Variants in ARL8B observed in about 807,000 individuals in gnomAD.
ARL8B encodes ARF like GTPase 8B.
In ARL8B, 9 loss-of-function variants were observed where a neutral mutation model predicts 30.6. The observed-to-expected ratio is 0.29, with a 90% CI of 0.18 to 0.51. The LOEUF (loss-of-function observed/expected upper bound fraction) is 0.51, where lower values mean the gene tolerates loss of function less well. ARL8B is among the 20% of genes least tolerant of loss of function. ARL8B has a pLI of 0.97. For missense variants in ARL8B, 130 were observed against 227.2 expected, an observed-to-expected ratio of 0.57 and a Z score of 2.75; for synonymous variants, 74 against 76.0, an observed-to-expected ratio of 0.97 and a Z score of 0.14.
Position 5,178,724 on chromosome 3 carries a change from G to C in ARL8B, c.*11G>C. ...TCTAGAAGAAGCTGAAGCATCTCCTGAAGTCTTCCAGTCCTTCTTGGCTAT... is the reference window on the plus strand; with the variant it reads ...TCTAGAAGAAGCTGAAGCATCTCCTCAAGTCTTCCAGTCCTTCTTGGCTAT... On this transcript the variant is annotated 3_prime_UTR_variant, in exon 7 of 7. Coordinates refer to ENST00000256496, the MANE Select transcript of ARL8B (RefSeq NM_018184.3). The C allele has an allele frequency of 6.2e-7, 1 of 1,611,466 alleles. No individual in the cohort carries two copies. The highest frequency in any genetic ancestry group is 1.3e-5 in the African/African-American group (1 of 74,944).
chr3:5,155,515 AGG>A (rs1559282023), intron 1 of ARL8B, among the ~76,000 whole-genome samples: 22 of 152,056 alleles, frequency 1.4e-4, no homozygotes, highest in Admixed American at 1.4e-3. Flanking sequence ...GTCTTCTTTT[AGG>A]ACTTCCACAG....
chr3:5,171,564 T>TGG (rs1426951202), intron 2 of ARL8B, among the ~76,000 whole-genome samples: 1 of 152,124 alleles, frequency 6.6e-6, no homozygotes, highest in East Asian at 1.9e-4. Flanking sequence ...GCCAGGCTGG[T>TGG]CTCGAACTCC....
At chr3:5,133,913 C>T (rs560029478) in intron 1 of ARL8B, among the ~76,000 whole-genome samples, 26 of 152,240 alleles carry the variant, frequency 1.7e-4, no homozygotes, top group East Asian at 1.3e-3. Context: ...CCAGCCTGGG[C>T]GACAGAGTGA....
At chr3:5,161,166 A>ACGGC (rs2054576370) in intron 1 of ARL8B, among the ~76,000 whole-genome samples, 1 of 152,194 alleles carries the variant, frequency 6.6e-6, no homozygotes, top group Non-Finnish European at 1.5e-5. Context: ...TTGGCCTCCC[A>ACGGC]CGGCCGGGGA....
chr3:5,127,060 T>A (rs2054235929), intron 1 of ARL8B, among the ~76,000 whole-genome samples: 1 of 152,208 alleles, frequency 6.6e-6, no homozygotes, highest in South Asian at 2.1e-4. Context: ...CTGCTGAGAA[T>A]TAGGAAAAGA....
chr3:5,130,330 A>G (rs568852670), intron 1 of ARL8B, among the ~76,000 whole-genome samples: 1 of 151,538 alleles, frequency 6.6e-6, no homozygotes, highest in South Asian at 2.1e-4. Context: ...TGCCCCTGAG[A>G]ACATAGTTCT....
chr3:5,151,382 G>A (rs2054481655), intron 1 of ARL8B, among the ~76,000 whole-genome samples: 1 of 152,106 alleles, frequency 6.6e-6, no homozygotes, highest in South Asian at 2.1e-4. Flanking sequence ...GTCTGAGGCT[G>A]CAGTGAGCTA....
intron 1 of ARL8B, among the ~76,000 whole-genome samples, chr3:5,124,090 A>AACTCCTGACCTCATGTGAT (rs2054207642): frequency 6.6e-6 from 1 of 152,000 alleles, no homozygotes; most frequent in Non-Finnish European, 1.5e-5. Flanking sequence ...CTAGTCTCAA[A>AACTCCTGACCTCATGTGAT]ACTCCTGACC....
rs1043685105 is a variant in ARL8B at position 5,123,922 on chromosome 3, G to A, written c.123+1334G>A. On this transcript the variant is annotated intron_variant, in intron 1 of 6. Coordinates refer to ENST00000256496, the MANE Select transcript of ARL8B (RefSeq NM_018184.3). Reference sequence around the variant, plus strand: ...GGAGTCTCGCTTTGTCCCCCAGGCTGGAGTGCAGTGGCGAGATCTCAGCTC... The same window carrying A: ...GGAGTCTCGCTTTGTCCCCCAGGCTAGAGTGCAGTGGCGAGATCTCAGCTC... 3.9e-5 allele frequency among the ~76,000 whole-genome samples: 6 copies of A among 152,190 alleles called. No homozygotes were observed. In the South Asian group the frequency reaches 6.2e-4, roughly 16 times the overall value.
intron 1 of ARL8B, among the ~76,000 whole-genome samples, chr3:5,124,590 C>G: frequency 6.6e-6 from 1 of 152,196 alleles, no homozygotes; most frequent in Middle Eastern, 3.4e-3. Flanking sequence ...TCTCAGCCTC[C>G]CAAGTAGCTG....
At position 5,122,383 on chromosome 3, in the gene ARL8B, C is replaced by T. The variant is rs774272818; in HGVS notation, c.-83C>T. 3.8e-6 allele frequency: 6 copies of T among 1,592,446 alleles called. No homozygotes were observed. Among genetic ancestry groups the T allele is most frequent in the Non-Finnish European group, 4.3e-6 (5 of 1,171,096 alleles). On this transcript the variant is annotated 5_prime_UTR_variant, in exon 1 of 7. Transcript: ENST00000256496. ...GGGCACCAAGGAGCCGTTGGAGGGT[C>T]CGGGCGGAGGCCCGCTCGTGTGGAA...
intron 6 of ARL8B, among the ~76,000 whole-genome samples, chr3:5,177,632 T>C (rs559984733): frequency 3.9e-5 from 6 of 152,102 alleles, no homozygotes; most frequent in Non-Finnish European, 8.8e-5. Context: ...ATTTTTGTAT[T>C]TTTAGTAGAG....
At chr3:5,144,442 T>G (rs780801317) in intron 1 of ARL8B, among the ~76,000 whole-genome samples, 17 of 152,216 alleles carry the variant, frequency 1.1e-4, no homozygotes, top group Non-Finnish European at 1.9e-4. Flanking sequence ...AAAGTGTAAC[T>G]CCCTATACAC....
At chr3:5,175,348 TG>T (rs1218503479) in intron 6 of ARL8B, among the ~76,000 whole-genome samples, 1 of 152,172 alleles carries the variant, frequency 6.6e-6, no homozygotes, top group Non-Finnish European at 1.5e-5. Context: ...AATAAAGTCG[TG>T]AGGTTAAGAT....
chr3:5,165,939 C>T (rs2054620097), intron 1 of ARL8B, among the ~76,000 whole-genome samples: 1 of 152,112 alleles, frequency 6.6e-6, no homozygotes, highest in South Asian at 2.1e-4. Context: ...TCAGATATCA[C>T]TGTTTACAAG....
chr3:5,122,672 C>T (rs1052470352), intron 1 of ARL8B, 84 bp downstream of exon 1: 2 of 1,462,334 alleles, frequency 1.4e-6, no homozygotes, highest in Non-Finnish European at 1.8e-6. Flanking sequence ...GTTGGGGCCC[C>T]CCTCGGCGCG....
intron 1 of ARL8B, among the ~76,000 whole-genome samples, chr3:5,147,695 C>T (rs745634332): frequency 2.0e-5 from 3 of 152,028 alleles, no homozygotes; most frequent in Non-Finnish European, 2.9e-5. Context: ...TTCTGAGCTT[C>T]CCTGAATAAT....
chr3:5,172,590 G>A, intron 3 of ARL8B, 57 bp from the exon 4 acceptor site: 1 of 1,121,780 alleles, frequency 8.9e-7, no homozygotes, highest in Non-Finnish European at 1.3e-6. Flanking sequence ...AATAATACTA[G>A]TTGTCATCAT....
chr3:5,169,572 C>T (rs9790130), intron 1 of ARL8B, among the ~76,000 whole-genome samples: 58,118 of 146,672 alleles, frequency 0.4, 13,009 homozygotes, highest in African/African-American at 0.64. Context: ...TTTTTCTTTT[C>T]CTCTTAATAG....
Sources: gnomAD v4.1 joint callset for allele counts (sites outside exome capture counted in the v4.1 genomes callset) on GRCh38, gnomAD v4.1.1 for gene constraint, MANE v1.5 for transcripts, NCBI Gene and HGNC (gene_info 2026-07-23, HGNC 2026-07-21) for gene names.